SDC3: variants seen among roughly 807,000 people sequenced by gnomAD.
SDC3 encodes syndecan-3.
SDC3 carries 13 observed loss-of-function variants against 24.4 expected under a neutral mutation model. That is an observed-to-expected ratio of 0.53 (90% confidence interval 0.35 to 0.85). The LOEUF (loss-of-function observed/expected upper bound fraction) is 0.85. SDC3 is among the 40% of genes least tolerant of loss of function. The probability of loss-of-function intolerance (pLI) is 0.01; values close to 1 mark genes in which losing one functional copy is unlikely to be tolerated. For synonymous variants in SDC3, 295 were observed against 260.9 expected (o/e 1.13, Z -1.26); for missense variants, 571 against 584.5 (o/e 0.98, Z 0.24).
chr1:30,900,592 C>G (rs750576355), intron 1 of SDC3, among the ~76,000 whole-genome samples: 3 of 152,078 alleles, frequency 2.0e-5, no homozygotes, highest in South Asian at 4.1e-4. Flanking sequence ...CCACCTCCCC[C>G]CAGCTCTCCA....
intron 1 of SDC3, among the ~76,000 whole-genome samples, chr1:30,887,071 C>T (rs866719226): frequency 6.6e-6 from 1 of 152,132 alleles, no homozygotes; most frequent in South Asian, 2.1e-4. Flanking sequence ...GAGACCAGCA[C>T]CACCTCACAC....
intron 1 of SDC3, among the ~76,000 whole-genome samples, chr1:30,908,011 C>T (rs1464592300): frequency 6.6e-6 from 1 of 152,154 alleles, no homozygotes; most frequent in African/African-American, 2.4e-5. Context: ...GACGGCGACC[C>T]CCAGCCCGCC....
At chr1:30,877,594 AG>A in intron 2 of SDC3, 1 of 298,876 alleles carries the variant, frequency 3.3e-6, no homozygotes, top group Non-Finnish European at 6.3e-6. Context: ...TGGTACACTA[AG>A]GGCTTCCCCC....
intron 1 of SDC3, among the ~76,000 whole-genome samples, chr1:30,882,277 T>C (rs776862966): frequency 1.4e-4 from 21 of 152,152 alleles, no homozygotes; most frequent in African/African-American, 4.3e-4. Context: ...CGGGATGAAA[T>C]GTGGCACCCT....
chr1:30,891,097 C>G (rs776053299), intron 1 of SDC3, among the ~76,000 whole-genome samples: 1 of 152,210 alleles, frequency 6.6e-6, no homozygotes, highest in South Asian at 2.1e-4. Flanking sequence ...GGATGCCCCA[C>G]CCCACCCTTT....
chr1:30,880,585 G>C (rs1190447911), intron 1 of SDC3: 1 of 152,162 alleles, frequency 6.6e-6, no homozygotes, highest in Admixed American at 6.5e-5. Context: ...GAACGGCCCA[G>C]TCACCCCTGA....
intron 3 of SDC3, 128 bp from the exon 4 acceptor site, chr1:30,874,716 C>T: frequency 2.4e-6 from 2 of 848,676 alleles, no homozygotes; most frequent in Non-Finnish European, 3.7e-6. Flanking sequence ...TACACACTAT[C>T]CCCATGAAGG....
Position 30,869,825 on chromosome 1 carries a change from T to C in SDC3, c.*3386A>G, listed in dbSNP as rs1639501267. The C allele has an allele frequency of 5.0e-6, 2 of 398,468 alleles. No homozygotes were observed. The highest frequency in any genetic ancestry group is 1.3e-4 in the South Asian group (1 of 7,856). 24.7% of individuals were successfully genotyped at this position (398,468 alleles called of 1,614,324 possible). ...AAGGACTCACAGGAGGGAGGGACAC[T>C]GTCTTCAGGGGGCTCTCTGGAGCCA... On this transcript the variant is annotated 3_prime_UTR_variant, in exon 5 of 5. Transcript: ENST00000339394.
chr1:30,881,611 A>G (rs959995657), intron 1 of SDC3, among the ~76,000 whole-genome samples: 2 of 152,310 alleles, frequency 1.3e-5, no homozygotes, highest in Non-Finnish European at 2.9e-5. Context: ...CAAGCGGCCC[A>G]TGAAGGCCTG....
chr1:30,872,959 C>T lies in SDC3; in HGVS notation c.*252G>A. On this transcript the variant is annotated 3_prime_UTR_variant, in exon 5 of 5. Transcript: ENST00000339394. ...TCCATCTGACATGAGGTCCTGAAGC[C>T]CCAGACTGGTGGCAGGGATGAGGGG... 1 of 506,846 alleles carries T rather than the reference C, an allele frequency of 2.0e-6. No individual in the cohort carries two copies. The highest frequency in any genetic ancestry group is 3.5e-6 in the Non-Finnish European group (1 of 286,690). 31.4% of individuals were successfully genotyped at this position (506,846 alleles called of 1,614,324 possible).
chr1:30,902,652 C>T (rs1226320105), intron 1 of SDC3, among the ~76,000 whole-genome samples: 1 of 152,198 alleles, frequency 6.6e-6, no homozygotes, highest in Non-Finnish European at 1.5e-5. Context: ...GCTCTGGCCA[C>T]CCTGTCCCTT....
At chr1:30,905,871 A>AACACAC (rs71813597) in intron 1 of SDC3, among the ~76,000 whole-genome samples, 12 of 148,354 alleles carry the variant, frequency 8.1e-5, no homozygotes, top group Admixed American at 2.7e-4. Flanking sequence ...CAGACACACA[A>AACACAC]ACACACACAC....
At position 30,878,704 on chromosome 1, in the gene SDC3, C is replaced by T. The variant is rs150320632; in HGVS notation, c.175G>A (p.Val59Met). Residue 59 changes from valine (V) to methionine (M), a missense_variant, in exon 2 of 5, where the codon GTG becomes ATG. By Grantham distance (21) the Val-to-Met change is conservative. Coordinates refer to ENST00000339394, the MANE Select transcript of SDC3 (RefSeq NM_014654.4). ...RWRSENFERP[V>M]DLEGSGDDDS... ...TCATCCCCAGAGCCCTCCAGGTCCACGGGTCTCTCGAAGTTCTCACTGCGC... is the reference window on the plus strand; with the variant it reads ...TCATCCCCAGAGCCCTCCAGGTCCATGGGTCTCTCGAAGTTCTCACTGCGC... The T allele has an allele frequency of 5.4e-5, 87 of 1,614,172 alleles. No homozygotes were observed. The highest frequency in any genetic ancestry group is 3.3e-4 in the Middle Eastern group (2 of 6,062).
chr1:30,875,994 C>G (rs1174486468), intron 3 of SDC3, among the ~76,000 whole-genome samples: 2 of 152,204 alleles, frequency 1.3e-5, no homozygotes, highest in Non-Finnish European at 2.9e-5. Flanking sequence ...AGCTCTTAAC[C>G]ACCCTCAGAC....
intron 1 of SDC3, among the ~76,000 whole-genome samples, chr1:30,892,012 T>G (rs1639913286): frequency 6.6e-6 from 1 of 151,928 alleles, no homozygotes; most frequent in East Asian, 1.9e-4. Flanking sequence ...GAAAACCCAG[T>G]GCTCACCCCC....
chr1:30,904,429 T>TG (rs1174501890), intron 1 of SDC3, among the ~76,000 whole-genome samples: 1 of 152,074 alleles, frequency 6.6e-6, no homozygotes, highest in Non-Finnish European at 1.5e-5. Flanking sequence ...AGGGACCCTA[T>TG]GCCCGCTTGT....
rs752559236 is a variant in SDC3 at position 30,873,312 on chromosome 1, G to A, written c.1228C>T (p.Arg410Cys). The change falls in exon 5 of 5, where the codon CGT (arginine) becomes TGT (cysteine). Residue 410 changes from arginine to cysteine, a missense_variant. Physicochemically the swap from Arg to Cys is radical, Grantham distance 180. Coordinates refer to ENST00000339394, the MANE Select transcript of SDC3 (RefSeq NM_014654.4). ...AAFLVTLLIY[R>C]MKKKDEGSYT... Reference sequence around the variant, plus strand: ...CTGCCCTCATCCTTTTTCTTCATACGATAGATGAGCAGTGTGACCAAGAAG... The same window carrying A: ...CTGCCCTCATCCTTTTTCTTCATACAATAGATGAGCAGTGTGACCAAGAAG... 25 of 1,611,858 alleles carry A rather than the reference G, an allele frequency of 1.6e-5. No individual in the cohort carries two copies. The highest frequency in any genetic ancestry group is 6.6e-5 in the South Asian group (6 of 91,024).
intron 1 of SDC3, among the ~76,000 whole-genome samples, chr1:30,894,917 G>C (rs932188698): frequency 3.3e-5 from 5 of 152,012 alleles, no homozygotes; most frequent in Admixed American, 6.6e-5. Context: ...GTGTCTCTGA[G>C]TGGTACCTGT....
intron 1 of SDC3, among the ~76,000 whole-genome samples, chr1:30,879,763 T>C (rs1274412143): frequency 6.6e-6 from 1 of 152,140 alleles, no homozygotes; most frequent in Middle Eastern, 3.2e-3. Flanking sequence ...AAGAGGTCTG[T>C]GGTCCCTGGA....
Sources: allele counts gnomAD v4.1 joint callset (sites outside exome capture counted in the v4.1 genomes callset), GRCh38; gene constraint gnomAD v4.1.1; transcripts MANE v1.5; gene names NCBI Gene and HGNC (gene_info 2026-07-23, HGNC 2026-07-21).